ANTXR2: variants seen among roughly 807,000 people sequenced by gnomAD.
ANTXR2 encodes ANTXR cell adhesion molecule 2, also known as anthrax toxin receptor 2.
A neutral mutation model predicts 73.7 loss-of-function variants in ANTXR2; 44 were observed. That is an observed-to-expected ratio of 0.60 (90% CI 0.47 to 0.77). The LOEUF is 0.77. ANTXR2 is among the 30% of genes least tolerant of loss of function. The pLI, the probability that ANTXR2 is intolerant of heterozygous loss-of-function variation, is 0.00. For synonymous variants in ANTXR2, 217 were observed against 205.9 expected (o/e 1.05, Z -0.46); for missense variants, 604 against 592.5 (o/e 1.02, Z -0.20).
intron 11 of ANTXR2, among the ~76,000 whole-genome samples, chr4:80,016,801 A>C (rs1731893804): frequency 1.3e-5 from 2 of 152,152 alleles, no homozygotes; most frequent in South Asian, 2.1e-4. Context: ...AGCTATTCTT[A>C]ATTTCTTTCT....
intron 16 of ANTXR2, among the ~76,000 whole-genome samples, chr4:79,967,009 G>C (rs1264761259): frequency 2.2e-5 from 1 of 45,756 alleles, no homozygotes; most frequent in African/African-American, 4.5e-5. Context: ...CTGAGGTACC[G>C]GGTTCATCTC....
At position 80,015,357 on chromosome 4, in the gene ANTXR2, A is replaced by T. The variant is rs188271940; in HGVS notation, c.945+3541T>A. On this transcript the variant is annotated intron_variant, in intron 11 of 16. Coordinates refer to ENST00000403729, the MANE Select transcript of ANTXR2 (RefSeq NM_058172.6). ...ACCAGTAAGTCACTTTATAATATGG[A>T]TTTCTTCATTAATACAATTTATATG... Among the ~76,000 whole-genome samples the T allele has an allele frequency of 4.4e-3, 676 of 152,278 alleles. 8 individuals carry two copies. The highest frequency in any genetic ancestry group is 0.015 in the African/African-American group (641 of 41,558).
chr4:79,997,379 C>A (rs1344275058), intron 12 of ANTXR2, among the ~76,000 whole-genome samples: 1 of 151,552 alleles, frequency 6.6e-6, no homozygotes, highest in Non-Finnish European at 1.5e-5. Flanking sequence ...GCCTAGGGAC[C>A]CACAGACAAT....
intron 3 of ANTXR2, among the ~76,000 whole-genome samples, chr4:80,056,789 T>C (rs923182870): frequency 3.3e-5 from 5 of 151,916 alleles, no homozygotes; most frequent in Admixed American, 1.3e-4. Context: ...TTTGTCTAAA[T>C]GGGGTATGAC....
At chr4:79,976,225 TA>T (rs1243525181) in intron 16 of ANTXR2, among the ~76,000 whole-genome samples, 10 of 150,376 alleles carry the variant, frequency 6.7e-5, no homozygotes, top group Non-Finnish European at 8.9e-5. Flanking sequence ...AAATCGCATT[TA>T]AAAAAAAAAT....
intron 10 of ANTXR2, chr4:80,024,869 CAAGGG>C (rs1732352351): frequency 3.7e-6 from 1 of 271,060 alleles, no homozygotes; most frequent in Non-Finnish European, 7.5e-6. Context: ...TCACAAAAGA[CAAGGG>C]AAAACCTTCT....
chr4:79,959,927 G>A (rs1729084096), intron 16 of ANTXR2, among the ~76,000 whole-genome samples: 1 of 152,238 alleles, frequency 6.6e-6, no homozygotes, highest in African/African-American at 2.4e-5. Flanking sequence ...TAGGAAGTCA[G>A]ACAAGGGAGA....
In ANTXR2 at chr4:80,051,243, C is replaced by A. The variant is rs116619833; in HGVS notation, c.636+3029G>T. Among the ~76,000 whole-genome samples the A allele has an allele frequency of 4.3e-3, 654 of 151,828 alleles. 6 individuals are homozygous for A. The highest frequency in any genetic ancestry group is 0.015 in the African/African-American group (637 of 41,490). On this transcript the variant is annotated intron_variant, in intron 7 of 16. Coordinates refer to ENST00000403729, the MANE Select transcript of ANTXR2 (RefSeq NM_058172.6). ...GATTATTTCTTATCCCCTAAGGTGACTCACTGAAATTTTCCTCCTCTAAAT... is the reference window on the plus strand; with the variant it reads ...GATTATTTCTTATCCCCTAAGGTGAATCACTGAAATTTTCCTCCTCTAAAT...
chr4:79,915,847 T>C (rs1394253602), intron 16 of ANTXR2, among the ~76,000 whole-genome samples: 1 of 123,544 alleles, frequency 8.1e-6, no homozygotes, highest in East Asian at 2.1e-4. Flanking sequence ...TCTCTCTCTC[T>C]CTCTCTCTCT....
intron 16 of ANTXR2, among the ~76,000 whole-genome samples, chr4:79,916,855 C>T (rs1209486484): frequency 6.6e-6 from 1 of 151,924 alleles, no homozygotes; most frequent in Non-Finnish European, 1.5e-5. Context: ...AAGAAAGATA[C>T]ACTGGCATTA....
chr4:80,047,795 G>C (rs1733590138), intron 7 of ANTXR2, among the ~76,000 whole-genome samples: 1 of 151,664 alleles, frequency 6.6e-6, no homozygotes, highest in African/African-American at 2.4e-5. Flanking sequence ...TGAGAGAGAA[G>C]ACCCTGACAA....
At chr4:79,984,903 G>C (rs1409620387) in intron 12 of ANTXR2, 40 bp from the exon 13 acceptor site, 1 of 1,469,508 alleles carries the variant, frequency 6.8e-7, no homozygotes, top group East Asian at 2.4e-5. Flanking sequence ...CTATGGCATA[G>C]AGAGGAGATA....
At chr4:80,038,445 T>C (rs915274234) in intron 7 of ANTXR2, among the ~76,000 whole-genome samples, 6 of 152,108 alleles carry the variant, frequency 3.9e-5, no homozygotes, top group African/African-American at 9.7e-5. Context: ...GCTGGTGATC[T>C]ACATCTTTGG....
intron 11 of ANTXR2, among the ~76,000 whole-genome samples, chr4:80,009,533 T>C (rs370656489): frequency 7.1e-4 from 108 of 152,268 alleles, no homozygotes; most frequent in African/African-American, 2.5e-3. Flanking sequence ...TAGCACCGTA[T>C]ACTCCATGTC....
chr4:80,050,057 T>C (rs556500739), intron 7 of ANTXR2, among the ~76,000 whole-genome samples: 1 of 151,826 alleles, frequency 6.6e-6, no homozygotes, highest in South Asian at 2.1e-4. Flanking sequence ...GTGCCAAGAA[T>C]AATCCCTAAG....
chr4:79,937,660 A>G (rs1180156490), intron 16 of ANTXR2, among the ~76,000 whole-genome samples: 1 of 152,252 alleles, frequency 6.6e-6, no homozygotes, highest in African/African-American at 2.4e-5. Context: ...GCTTATGTAT[A>G]TATTGAGCAT....
At chr4:79,934,804 T>A (rs1014783607) in intron 16 of ANTXR2, among the ~76,000 whole-genome samples, 2 of 150,644 alleles carry the variant, frequency 1.3e-5, no homozygotes, top group South Asian at 2.1e-4. Flanking sequence ...TTAAAATAGA[T>A]GTTAGGACAA....
Position 79,903,737 on chromosome 4 carries a change from C to T in ANTXR2, c.*3692G>A, listed in dbSNP as rs1726801447. 1 of 152,164 alleles carries T rather than the reference C, an allele frequency of 6.6e-6. No individual in the cohort carries two copies. Among genetic ancestry groups the T allele is most frequent in the Non-Finnish European group, 1.5e-5 (1 of 68,024 alleles). The allele number at this position is 152,164 out of a possible 1,614,324, so 9.4% of individuals were successfully genotyped here. On this transcript the variant is annotated 3_prime_UTR_variant, in exon 17 of 17. Transcript: ENST00000403729. ...TTATTTCCTACAAATAGACAACATT[C>T]TCCAGCCTCACCTGCCTGTTTCTTT... is the stretch of plus-strand genomic sequence containing the variant.
chr4:79,954,323 T>G (rs12643472), intron 16 of ANTXR2, among the ~76,000 whole-genome samples: 15,089 of 152,254 alleles, frequency 0.099, 1,897 homozygotes, highest in East Asian at 0.66. Context: ...CCAGACTTAC[T>G]TGACATTTTA....
Sources: allele counts gnomAD v4.1 joint callset (sites outside exome capture counted in the v4.1 genomes callset), GRCh38; gene constraint gnomAD v4.1.1; transcripts MANE v1.5; gene names NCBI Gene and HGNC (gene_info 2026-07-23, HGNC 2026-07-21).